The following DNAJC5 variants were observed in gnomAD, a reference collection of about 807,000 sequenced individuals.
DNAJC5 encodes dnaJ homolog subfamily C member 5.
Under a neutral mutation model 23.2 loss-of-function variants are expected in DNAJC5, and 1 was observed. The ratio of observed to expected loss-of-function variants is 0.04; its 90% CI spans 0.02 to 0.20. DNAJC5 has a LOEUF of 0.20. Ranked by LOEUF, DNAJC5 falls within the 10% of genes least tolerant of loss-of-function variation. DNAJC5 has a pLI of 1.00. For missense variants in DNAJC5, 180 were observed against 267.0 expected, an observed-to-expected ratio of 0.67 and a Z score of 2.27; for synonymous variants, 136 against 120.0, an observed-to-expected ratio of 1.13 and a Z score of -0.87.
intron 1 of DNAJC5, among the ~76,000 whole-genome samples, chr20:63,905,586 TC>T (rs1568976263): frequency 1.3e-5 from 2 of 148,686 alleles, no homozygotes; most frequent in African/African-American, 4.9e-5. Context: ...TTTTTTTTTT[TC>T]ACGGAGTCTG....
At position 63,931,364 on chromosome 20, in the gene DNAJC5, GGA is replaced by G. The variant is rs902444255; in HGVS notation, c.494-97_494-96del. ...AGGTCAGCGAGTAGCCTCTCCCGGTGGAGAGTTTGTCCAGGTGCCCGAAAGTC... is the reference window on the plus strand; with the variant it reads ...AGGTCAGCGAGTAGCCTCTCCCGGTGGAGTTTGTCCAGGTGCCCGAAAGTC... On this transcript the variant is annotated intron_variant, in intron 4 of 4. Coordinates refer to ENST00000360864, the MANE Select transcript of DNAJC5 (RefSeq NM_025219.3). This position sits in a 1 kb window ranked among gnomAD's most constrained non-coding sequence, Gnocchi z 9.6. 13 of 1,142,118 alleles carry G rather than the reference GGA, an allele frequency of 1.1e-5. No individual in the cohort carries two copies. The highest frequency in any genetic ancestry group is 2.6e-5 in the East Asian group (1 of 38,958). 70.7% of individuals were successfully genotyped at this position (1,142,118 alleles called of 1,614,324 possible).
chr20:63,923,666 A>T (rs1314237654), intron 1 of DNAJC5, among the ~76,000 whole-genome samples: 2 of 152,184 alleles, frequency 1.3e-5, no homozygotes, highest in Non-Finnish European at 2.9e-5. Flanking sequence ...TCAAGGTTGC[A>T]GTGAGCTGAA....
At chr20:63,900,665 T>G (rs146669485) in intron 1 of DNAJC5, among the ~76,000 whole-genome samples, 1 of 152,028 alleles carries the variant, frequency 6.6e-6, no homozygotes, top group African/African-American at 2.4e-5. Flanking sequence ...AATTTAACTT[T>G]GTTGCAACAT....
intron 1 of DNAJC5, among the ~76,000 whole-genome samples, chr20:63,901,629 G>C (rs817371): frequency 0.35 from 52,532 of 152,142 alleles, 10,884 homozygotes; most frequent in East Asian, 0.81. Flanking sequence ...CGGGAGGAGT[G>C]ACTGCAGCTC....
At chr20:63,902,615 A>C (rs1360729715) in intron 1 of DNAJC5, among the ~76,000 whole-genome samples, 1 of 143,276 alleles carries the variant, frequency 7.0e-6, no homozygotes, top group Admixed American at 7.0e-5. Context: ...TGATCCACTC[A>C]CCTCGGCCTC....
intron 1 of DNAJC5, among the ~76,000 whole-genome samples, chr20:63,906,791 A>T (rs1046416453): frequency 3.3e-5 from 5 of 151,424 alleles, no homozygotes; most frequent in African/African-American, 9.7e-5. Flanking sequence ...GTCTCAAAAA[A>T]AATTAATTAA....
rs953169135 is a variant in DNAJC5, at chr20:63,929,961, G to A, written c.321+436G>A. On this transcript the variant is annotated intron_variant, in intron 3 of 4. Coordinates refer to ENST00000360864, the MANE Select transcript of DNAJC5 (RefSeq NM_025219.3). The surrounding 1 kb of genome is among the most constrained non-coding windows in gnomAD (Gnocchi z 8.6). ...GTACAGATTGTCCCAGGGAAGAGCC[G>A]TGCGGAGCCGCCAGGGTTTCTTCTG... Among the ~76,000 whole-genome samples, 4 of 152,242 alleles carry A rather than the reference G, an allele frequency of 2.6e-5. No individual in the cohort carries two copies. Among genetic ancestry groups the A allele is most frequent in the East Asian group, 3.8e-4 (2 of 5,202 alleles).
intron 1 of DNAJC5, among the ~76,000 whole-genome samples, chr20:63,897,739 G>A (rs2053384530): frequency 6.6e-6 from 1 of 152,184 alleles, no homozygotes; most frequent in Non-Finnish European, 1.5e-5. Flanking sequence ...TAATTCAGGA[G>A]GACTGCCTGA....
chr20:63,924,496 T>C (rs1027779228), intron 1 of DNAJC5, among the ~76,000 whole-genome samples: 1 of 152,164 alleles, frequency 6.6e-6, no homozygotes, highest in African/African-American at 2.4e-5. Flanking sequence ...AGCCATCCTC[T>C]TATCTCAACC....
chr20:63,930,762 C>CT, intron 3 of DNAJC5, 89 bp from the exon 4 acceptor site: 5 of 1,598,124 alleles, frequency 3.1e-6, no homozygotes, highest in Non-Finnish European at 4.3e-6. Flanking sequence ...AACGCACCCC[C>CT]TGCCTTCTGC....
At chr20:63,903,247 A>G (rs936203600) in intron 1 of DNAJC5, among the ~76,000 whole-genome samples, 3 of 152,114 alleles carry the variant, frequency 2.0e-5, no homozygotes. Flanking sequence ...CTACAGTCTC[A>G]GTAGATTAGA....
intron 1 of DNAJC5, among the ~76,000 whole-genome samples, chr20:63,896,179 A>G (rs2053374243): frequency 6.6e-6 from 1 of 152,164 alleles, no homozygotes; most frequent in African/African-American, 2.4e-5. Context: ...CATTGCTCCC[A>G]CTATTGTCAT....
At chr20:63,922,138 C>G (rs1294339085) in intron 1 of DNAJC5, among the ~76,000 whole-genome samples, 1 of 151,938 alleles carries the variant, frequency 6.6e-6, no homozygotes, top group East Asian at 1.9e-4. Flanking sequence ...CTTCAAACAT[C>G]AGGTGGCAAA....
At chr20:63,910,931 A>G (rs1479306291) in intron 1 of DNAJC5, among the ~76,000 whole-genome samples, 2 of 152,126 alleles carry the variant, frequency 1.3e-5, no homozygotes, top group Admixed American at 1.3e-4. Flanking sequence ...GGCCTCCCAA[A>G]GTACTGGGAT....
At chr20:63,925,994 A>T (rs2053611837) in intron 1 of DNAJC5, among the ~76,000 whole-genome samples, 1 of 151,600 alleles carries the variant, frequency 6.6e-6, no homozygotes, top group Non-Finnish European at 1.5e-5. Context: ...CTTCCGGCTA[A>T]TTTTTTTGTA....
At chr20:63,921,712 A>G (rs1420861597) in intron 1 of DNAJC5, among the ~76,000 whole-genome samples, 1 of 152,070 alleles carries the variant, frequency 6.6e-6, no homozygotes, top group Non-Finnish European at 1.5e-5. Flanking sequence ...CTGCTCGTGT[A>G]GCTGCGGCTG....
chr20:63,917,925 G>A lies in DNAJC5; in HGVS notation c.-11-10410G>A, dbSNP rs539959963. 2.6e-5 allele frequency among the ~76,000 whole-genome samples: 4 copies of A among 152,264 alleles called. No individual in the cohort carries two copies. The South Asian group carries it at 6.2e-4, about 24-fold the overall frequency. On this transcript the variant is annotated intron_variant, in intron 1 of 4. Coordinates refer to ENST00000360864, the MANE Select transcript of DNAJC5 (RefSeq NM_025219.3). ...GTGGGGGCACTGCCTGTCTTCTCAC[G>A]CCTCAGTTGCTTGTTGCTGTGACGG...
Position 63,915,964 on chromosome 20 carries a change from C to T in DNAJC5, c.-11-12371C>T, listed in dbSNP as rs150507484. ...TTATTAATATTTTGAGGCAGAGTCT[C>T]GCTTTGTCACTCAGACTGGAGGGCA... On this transcript the variant is annotated intron_variant, in intron 1 of 4. Transcript: ENST00000360864. Among the ~76,000 whole-genome samples the T allele has an allele frequency of 2.0e-5, 3 of 152,286 alleles. No homozygotes were observed. In the East Asian group the frequency reaches 5.8e-4, roughly 29 times the overall value.
At position 63,929,184 on chromosome 20, in the gene DNAJC5, C is replaced by A; in HGVS notation, c.108-128C>A. 1.8e-6 allele frequency: 2 copies of A among 1,101,146 alleles called. No individual in the cohort carries two copies. Among genetic ancestry groups the A allele is most frequent in the Non-Finnish European group, 2.7e-6 (2 of 741,894 alleles). The allele number at this position is 1,101,146 out of a possible 1,614,324, so 68.2% of individuals were successfully genotyped here. On this transcript the variant is annotated intron_variant, in intron 2 of 4. Transcript: ENST00000360864. The surrounding 1 kb of genome is among the most constrained non-coding windows in gnomAD (Gnocchi z 8.6). ...GCCCCTGCAGCCCTGGAGAGTCGGA[C>A]AGTGAGGTGGCCTGGGTGGACCTGC... is the stretch of plus-strand genomic sequence containing the variant.
Sources: allele counts gnomAD v4.1 joint callset (sites outside exome capture counted in the v4.1 genomes callset), GRCh38; gene constraint gnomAD v4.1.1; non-coding constraint Gnocchi (gnomAD v3.1); transcripts MANE v1.5; gene names NCBI Gene and HGNC (gene_info 2026-07-23, HGNC 2026-07-21).